Variants in SLCO2B1 observed in about 807,000 individuals in gnomAD.
The protein encoded by SLCO2B1 is OATP-RP2.
A neutral mutation model predicts 67.3 loss-of-function variants in SLCO2B1; 41 were observed. That is an observed-to-expected ratio of 0.61 (90% CI 0.47 to 0.79). The LOEUF (loss-of-function observed/expected upper bound fraction) is 0.79, where lower values mean the gene tolerates loss of function less well. Ranked by LOEUF, SLCO2B1 falls within the 30% of genes least tolerant of loss-of-function variation. SLCO2B1 has a pLI of 0.00. For missense variants in SLCO2B1, 837 were observed against 920.1 expected, an observed-to-expected ratio of 0.91 and a Z score of 1.17; for synonymous variants, 379 against 381.4, an observed-to-expected ratio of 0.99 and a Z score of 0.07.
intron 9 of SLCO2B1, among the ~76,000 whole-genome samples, chr11:75,194,162 C>A (rs913618739): frequency 4.6e-5 from 7 of 152,194 alleles, no homozygotes; most frequent in African/African-American, 1.7e-4. Context: ...TTACAGAATT[C>A]TTTTTCCACA....
At chr11:75,161,692 C>T (rs750412197) in intron 1 of SLCO2B1, among the ~76,000 whole-genome samples, 1 of 152,156 alleles carries the variant, frequency 6.6e-6, no homozygotes, top group South Asian at 2.1e-4. Flanking sequence ...AGGCTTCCGG[C>T]AGGAAGTGGA....
At chr11:75,175,285 G>C (rs1950010008) in intron 7 of SLCO2B1, among the ~76,000 whole-genome samples, 1 of 152,176 alleles carries the variant, frequency 6.6e-6, no homozygotes, top group Non-Finnish European at 1.5e-5. Context: ...TCTGCTTGCA[G>C]TAACGTGGTT....
intron 3 of SLCO2B1, among the ~76,000 whole-genome samples, chr11:75,165,081 T>A (rs1455845178): frequency 6.6e-6 from 1 of 152,142 alleles, no homozygotes; most frequent in Non-Finnish European, 1.5e-5. Flanking sequence ...CTGCCCTGCA[T>A]GCACTGAAGT....
intron 8 of SLCO2B1, among the ~76,000 whole-genome samples, chr11:75,190,864 T>G (rs1466576485): frequency 6.6e-6 from 1 of 152,102 alleles, no homozygotes; most frequent in Non-Finnish European, 1.5e-5. Context: ...GGGGAGACAC[T>G]GTGCTGTGCT....
chr11:75,177,961 GTGGGCACCTGTAGCCCCAGCTATT>G (rs1213609315), intron 7 of SLCO2B1, among the ~76,000 whole-genome samples: 1 of 152,038 alleles, frequency 6.6e-6, no homozygotes, highest in Non-Finnish European at 1.5e-5. Context: ...GGGCATGATG[GTGGGCACCTGTAGCCCCAGCTATT>G]TGGGAGGCTG....
rs568144684 is a variant in SLCO2B1 at position 75,176,872 on chromosome 11, T to C, written c.972+4303T>C. 2.1e-3 allele frequency among the ~76,000 whole-genome samples: 321 copies of C among 152,236 alleles called. 5 individuals are homozygous for C. Among genetic ancestry groups the C allele is most frequent in the African/African-American group, 7.5e-3 (312 of 41,544 alleles). ...GGCACAGCGTCTAGACCCTGCTGCA[T>C]CTCACTGACGGAGGGATTGGCCCAT... On this transcript the variant is annotated intron_variant, in intron 7 of 13. Transcript: ENST00000289575.
In SLCO2B1 at chr11:75,177,184, A is replaced by T. The variant is rs558686723; in HGVS notation, c.972+4615A>T. Among the ~76,000 whole-genome samples, 360 of 151,708 alleles carry T rather than the reference A, an allele frequency of 2.4e-3. 2 individuals are homozygous for T. Among genetic ancestry groups the T allele is most frequent in the Non-Finnish European group, 3.7e-3 (249 of 67,992 alleles). On this transcript the variant is annotated intron_variant, in intron 7 of 13. Transcript: ENST00000289575. ...GGGCCTTCCACCCCTCTACACACAC[A>T]CACACACACACACACTTCAGTCCAA... is the stretch of plus-strand genomic sequence containing the variant.
chr11:75,203,268 G>T, intron 12 of SLCO2B1, 39 bp from the exon 13 acceptor site: 1 of 1,606,330 alleles, frequency 6.2e-7, no homozygotes, highest in Non-Finnish European at 8.5e-7. Context: ...AGGGTAGGAC[G>T]GTGGGCCTTC....
At position 75,200,398 on chromosome 11, in the gene SLCO2B1, G is replaced by C. The variant is rs755701136; in HGVS notation, c.1763+11G>C. 58 of 1,578,474 alleles carry C rather than the reference G, an allele frequency of 3.7e-5. No individual in the cohort carries two copies. The highest frequency in any genetic ancestry group is 3.5e-5 in the Admixed American group (2 of 57,870). On this transcript the variant is annotated intron_variant, in intron 11 of 13. Coordinates refer to ENST00000289575, the MANE Select transcript of SLCO2B1 (RefSeq NM_007256.5). Reference sequence around the variant, plus strand: ...CATGCTCATCCTAAGGTGAAGGTGGGGGTGGGGCAGGGGCAGGTGGATACC... The same window carrying C: ...CATGCTCATCCTAAGGTGAAGGTGGCGGTGGGGCAGGGGCAGGTGGATACC...
intron 8 of SLCO2B1, among the ~76,000 whole-genome samples, chr11:75,188,586 C>A (rs1944972062): frequency 6.6e-6 from 1 of 152,100 alleles, no homozygotes; most frequent in African/African-American, 2.4e-5. Context: ...ATTAGCTGGG[C>A]ATGATGGTGG....
intron 7 of SLCO2B1, among the ~76,000 whole-genome samples, chr11:75,175,616 C>T (rs1359079103): frequency 6.6e-6 from 1 of 151,886 alleles, no homozygotes; most frequent in Admixed American, 6.6e-5. Flanking sequence ...GCCTCAGTGT[C>T]TCTATCTGTC....
intron 7 of SLCO2B1, among the ~76,000 whole-genome samples, chr11:75,175,155 G>A (rs1950008461): frequency 6.6e-6 from 1 of 152,140 alleles, no homozygotes; most frequent in Non-Finnish European, 1.5e-5. Context: ...GGGGGTGAGA[G>A]GTTCTTTAAA....
chr11:75,169,857 T>C, intron 6 of SLCO2B1, 93 bp downstream of exon 6: 1 of 996,300 alleles, frequency 1.0e-6, no homozygotes, highest in Non-Finnish European at 1.6e-6. Context: ...GTTCAAATCC[T>C]AGCAGCACCA....
Position 75,205,534 on chromosome 11 carries a change from T to C in SLCO2B1, c.*954T>C, listed in dbSNP as rs1331302060. The C allele has an allele frequency of 6.6e-6, 1 of 152,270 alleles. No homozygotes were observed. Among genetic ancestry groups the C allele is most frequent in the Non-Finnish European group, 1.5e-5 (1 of 68,078 alleles). 9.4% of individuals were successfully genotyped at this position (152,270 alleles called of 1,614,324 possible). ...TGACCTTTGTGACTAGGATCCTAAT[T>C]TCTCTATTTTCTCCTGGGTGCCTGG... On this transcript the variant is annotated 3_prime_UTR_variant, in exon 14 of 14. Coordinates refer to ENST00000289575, the MANE Select transcript of SLCO2B1 (RefSeq NM_007256.5).
Position 75,173,377 on chromosome 11 carries a change from T to C in SLCO2B1, c.972+808T>C, listed in dbSNP as rs188438617. Among the ~76,000 whole-genome samples, 578 of 152,296 alleles carry C rather than the reference T, an allele frequency of 3.8e-3. 2 individuals are homozygous for C. Among genetic ancestry groups the C allele is most frequent in the African/African-American group, 0.013 (559 of 41,572 alleles). ...GCACCCTGCATGAAGGATTTGGCTGTAGAAATAAACCTGGCCCTTTCGGGG... is the reference window on the plus strand; with the variant it reads ...GCACCCTGCATGAAGGATTTGGCTGCAGAAATAAACCTGGCCCTTTCGGGG... On this transcript the variant is annotated intron_variant, in intron 7 of 13. Coordinates refer to ENST00000289575, the MANE Select transcript of SLCO2B1 (RefSeq NM_007256.5).
In SLCO2B1 at chr11:75,196,828, T is replaced by C. The variant is rs542217216; in HGVS notation, c.1599+149T>C. On this transcript the variant is annotated intron_variant, in intron 10 of 13. Coordinates refer to ENST00000289575, the MANE Select transcript of SLCO2B1 (RefSeq NM_007256.5). ...TCTGTTGGCAGATGTAGAACATTAT[T>C]CTCACAATAAGCTTTCACTGGCCAG... 5.8e-5 allele frequency: 46 copies of C among 793,154 alleles called. No individual in the cohort carries two copies. In the South Asian group the frequency reaches 8.2e-4, roughly 14 times the overall value. 49.1% of individuals were successfully genotyped at this position (793,154 alleles called of 1,614,324 possible).
At chr11:75,192,937 G>A (rs1443886690) in intron 8 of SLCO2B1, among the ~76,000 whole-genome samples, 1 of 152,072 alleles carries the variant, frequency 6.6e-6, no homozygotes, top group Non-Finnish European at 1.5e-5. Flanking sequence ...TCAGCTACTC[G>A]GGAGGCTGAG....
intron 7 of SLCO2B1, among the ~76,000 whole-genome samples, chr11:75,173,843 G>A (rs184131402): frequency 1.6e-4 from 24 of 152,294 alleles, no homozygotes; most frequent in Non-Finnish European, 4.4e-5. Flanking sequence ...TTGAGACAGA[G>A]TCTTACCCTA....
chr11:75,163,235 G>A (rs565606050), intron 2 of SLCO2B1, among the ~76,000 whole-genome samples: 31 of 152,272 alleles, frequency 2.0e-4, no homozygotes, highest in African/African-American at 3.1e-4. Flanking sequence ...CTGGGAACTC[G>A]GGCTGTTGTC....
Sources: gnomAD v4.1 joint callset for allele counts (sites outside exome capture counted in the v4.1 genomes callset) on GRCh38, gnomAD v4.1.1 for gene constraint, MANE v1.5 for transcripts, NCBI Gene and HGNC (gene_info 2026-07-23, HGNC 2026-07-21) for gene names.